Variants in KCND2 observed in about 807,000 individuals in gnomAD.
KCND2 encodes the protein potassium voltage-gated channel subfamily D member 2.
KCND2 carries 16 observed loss-of-function variants against 54.4 expected under a neutral mutation model. The ratio of observed to expected loss-of-function variants is 0.29; its 90% CI spans 0.20 to 0.45. KCND2 has a LOEUF of 0.45. KCND2 is among the 20% of genes least tolerant of loss of function. The pLI is 1.00. For synonymous variants in KCND2, 317 were observed against 310.7 expected (o/e 1.02, Z -0.21); for missense variants, 486 against 824.2 (o/e 0.59, Z 5.02).
intron 1 of KCND2, among the ~76,000 whole-genome samples, chr7:120,468,436 A>G (rs1440011197): frequency 6.6e-6 from 1 of 152,082 alleles, no homozygotes; most frequent in Non-Finnish European, 1.5e-5. Flanking sequence ...TCTGAACATC[A>G]TTATGTTAAC....
At chr7:120,304,711 T>C (rs1274219467) in intron 1 of KCND2, among the ~76,000 whole-genome samples, 1 of 152,216 alleles carries the variant, frequency 6.6e-6, no homozygotes, top group East Asian at 1.9e-4. Context: ...TCTACATCTT[T>C]ACTTCTCTCT....
intron 1 of KCND2, among the ~76,000 whole-genome samples, chr7:120,599,877 C>T (rs547893927): frequency 6.6e-6 from 1 of 152,020 alleles, no homozygotes; most frequent in African/African-American, 2.4e-5. Flanking sequence ...TTTCTGATTA[C>T]AGGAGGAACA....
At chr7:120,596,508 G>T (rs1792747110) in intron 1 of KCND2, among the ~76,000 whole-genome samples, 1 of 152,078 alleles carries the variant, frequency 6.6e-6, no homozygotes, top group South Asian at 2.1e-4. Flanking sequence ...TAAAGGAAGG[G>T]GACATAGAAA....
At chr7:120,551,515 C>T (rs1264034186) in intron 1 of KCND2, among the ~76,000 whole-genome samples, 1 of 152,096 alleles carries the variant, frequency 6.6e-6, no homozygotes, top group Admixed American at 6.6e-5. Flanking sequence ...ACCTCTGAGT[C>T]AGGGTTTTTC....
intron 1 of KCND2, among the ~76,000 whole-genome samples, chr7:120,477,962 G>T (rs1309692197): frequency 6.6e-6 from 1 of 151,990 alleles, no homozygotes; most frequent in Non-Finnish European, 1.5e-5. Context: ...CTCATCACCA[G>T]TGTTTTTCTC....
intron 1 of KCND2, among the ~76,000 whole-genome samples, chr7:120,414,658 G>A (rs1463976314): frequency 1.3e-5 from 2 of 152,136 alleles, no homozygotes; most frequent in Non-Finnish European, 2.9e-5. Context: ...ATTTTAGTTT[G>A]TAGCACAAGT....
chr7:120,630,719 G>A (rs1268938019), intron 1 of KCND2, among the ~76,000 whole-genome samples: 3 of 152,072 alleles, frequency 2.0e-5, no homozygotes, highest in Non-Finnish European at 2.9e-5. Context: ...TCGCTTAAAA[G>A]GTATTGAGTC....
rs1005252665 is a variant in KCND2 at position 120,450,493 on chromosome 7, A to G, written c.1115+174746A>G. ...GATGGGTTGGGAAAGGTGTAGCCTC[A>G]GGAAAACTAGCAGAGAAGGAGTACT... is the stretch of plus-strand genomic sequence containing the variant. On this transcript the variant is annotated intron_variant, in intron 1 of 5. Coordinates refer to ENST00000331113, the MANE Select transcript of KCND2 (RefSeq NM_012281.3). 6.6e-5 allele frequency among the ~76,000 whole-genome samples: 10 copies of G among 152,278 alleles called. No homozygotes were observed. In the South Asian group the frequency reaches 1.9e-3, roughly 28 times the overall value.
chr7:120,542,423 C>T (rs944166884), intron 1 of KCND2, among the ~76,000 whole-genome samples: 1 of 152,074 alleles, frequency 6.6e-6, no homozygotes, highest in Admixed American at 6.6e-5. Flanking sequence ...TTTTATTCTT[C>T]TCCAAGTGTA....
At chr7:120,340,330 G>C (rs1267783351) in intron 1 of KCND2, among the ~76,000 whole-genome samples, 1 of 152,210 alleles carries the variant, frequency 6.6e-6, no homozygotes, top group Non-Finnish European at 1.5e-5. Flanking sequence ...CAAATTGGAT[G>C]TGTATATGAG....
At chr7:120,601,700 G>C (rs1448768873) in intron 1 of KCND2, among the ~76,000 whole-genome samples, 1 of 152,108 alleles carries the variant, frequency 6.6e-6, no homozygotes, top group Non-Finnish European at 1.5e-5. Context: ...AGTTGACCTT[G>C]AACTACTGTG....
chr7:120,745,899 C>T lies in KCND2; in HGVS notation c.1587C>T (p.Cys529=), dbSNP rs780179079. 6.2e-7 allele frequency: 1 copy of T among 1,613,764 alleles called. No individual in the cohort carries two copies. The highest frequency in any genetic ancestry group is 8.5e-7 in the Non-Finnish European group (1 of 1,179,858). The stretch of plus-strand genomic sequence containing the variant: ...CACAACAAGGAGTCACCAGCACCTG[C>T]TGTTCACGACGACACAAAAAAACTT... ...LSSQQGVTST[C]CSRRHKKTFR... is the part of the protein sequence containing the mutation. The change falls in exon 5 of 6, where the codon TGC becomes TGT. Residue 529 remains cysteine (C), a synonymous_variant. Coordinates refer to ENST00000331113, the MANE Select transcript of KCND2 (RefSeq NM_012281.3).
chr7:120,443,574 C>T (rs1017898257), intron 1 of KCND2, among the ~76,000 whole-genome samples: 1 of 151,912 alleles, frequency 6.6e-6, no homozygotes, highest in East Asian at 1.9e-4. Context: ...ATGCCAAATT[C>T]ATCTTCTTGA....
chr7:120,494,178 G>A (rs1260101881), intron 1 of KCND2, among the ~76,000 whole-genome samples: 1 of 152,086 alleles, frequency 6.6e-6, no homozygotes, highest in Non-Finnish European at 1.5e-5. Flanking sequence ...CTTCTGGTGG[G>A]GAAGGTGGAA....
At chr7:120,329,855 T>C (rs1321938844) in intron 1 of KCND2, among the ~76,000 whole-genome samples, 3 of 152,184 alleles carry the variant, frequency 2.0e-5, no homozygotes, top group Non-Finnish European at 4.4e-5. Context: ...TTTAGACAAA[T>C]GTGGAGAATG....
intron 1 of KCND2, among the ~76,000 whole-genome samples, chr7:120,359,913 A>G (rs1026319015): frequency 1.3e-5 from 2 of 152,046 alleles, no homozygotes; most frequent in Non-Finnish European, 2.9e-5. Context: ...CCACCATGTA[A>G]GCCGTGCCTG....
chr7:120,586,155 A>G (rs1396615716), intron 1 of KCND2, among the ~76,000 whole-genome samples: 1 of 151,964 alleles, frequency 6.6e-6, no homozygotes, highest in Non-Finnish European at 1.5e-5. Context: ...GTAGCTGTAT[A>G]CTCACACACA....
In KCND2 at chr7:120,352,143, G is replaced by A. The variant is rs141089145; in HGVS notation, c.1115+76396G>A. Among the ~76,000 whole-genome samples, 1,376 of 151,832 alleles carry A rather than the reference G, an allele frequency of 9.1e-3. 28 individuals are homozygous for A. Among genetic ancestry groups the A allele is most frequent in the African/African-American group, 0.031 (1,298 of 41,374 alleles). On this transcript the variant is annotated intron_variant, in intron 1 of 5. Coordinates refer to ENST00000331113, the MANE Select transcript of KCND2 (RefSeq NM_012281.3). Reference sequence around the variant, plus strand: ...AGTGGAACTGGGGTTTCACCATGTTGGCCAGGATGGTCTCGATCTCTTGAC... The same window carrying A: ...AGTGGAACTGGGGTTTCACCATGTTAGCCAGGATGGTCTCGATCTCTTGAC...
chr7:120,472,562 T>TACAC (rs10679656), intron 1 of KCND2, among the ~76,000 whole-genome samples: 2,653 of 149,626 alleles, frequency 0.018, 50 homozygotes, highest in South Asian at 0.054. Flanking sequence ...AGACTTTAAA[T>TACAC]ACACACACAC....
Sources: allele counts gnomAD v4.1 joint callset (sites outside exome capture counted in the v4.1 genomes callset), GRCh38; gene constraint gnomAD v4.1.1; transcripts MANE v1.5; gene names NCBI Gene and HGNC (gene_info 2026-07-23, HGNC 2026-07-21).